KANSL2: variants seen among roughly 807,000 people sequenced by gnomAD.
KANSL2 encodes KAT8 regulatory NSL complex subunit 2, also known as NSL complex protein NSL2.
A neutral mutation model predicts 55.6 loss-of-function variants in KANSL2; 34 were observed. That is an observed-to-expected ratio of 0.61 (90% CI 0.46 to 0.81). The LOEUF (loss-of-function observed/expected upper bound fraction) is 0.81. Among genes scored for constraint, KANSL2 ranks in the 40% least tolerant of loss-of-function variants. The pLI is 0.00. For synonymous variants in KANSL2, 209 were observed against 214.3 expected (o/e 0.98, Z 0.22); for missense variants, 502 against 609.9 (o/e 0.82, Z 1.86).
chr12:48,654,544 C>G (rs1473984424), intron 9 of KANSL2: 2 of 612,688 alleles, frequency 3.3e-6, no homozygotes, highest in Non-Finnish European at 6.4e-6. Flanking sequence ...GGCTCACGGA[C>G]AGAACTCAAA....
intron 7 of KANSL2, among the ~76,000 whole-genome samples, chr12:48,663,742 G>A (rs1234296248): frequency 6.6e-6 from 1 of 151,914 alleles, no homozygotes; most frequent in Non-Finnish European, 1.5e-5. Context: ...CTATGTTGTT[G>A]ATAAGGCTTC....
Position 48,682,217 on chromosome 12 carries a change from G to T in KANSL2, c.-40C>A, listed in dbSNP as rs1939945162. 1 of 647,802 alleles carries T rather than the reference G, an allele frequency of 1.5e-6. No homozygotes were observed. Among genetic ancestry groups the T allele is most frequent in the South Asian group, 1.7e-5 (1 of 59,494 alleles). The allele number at this position is 647,802 out of a possible 1,614,324, so 40.1% of individuals were successfully genotyped here. A position where few individuals can be genotyped will look rare whatever the true frequency, so the allele number is the denominator to read the frequency against. ...GAGCTGCGCTGCGCCGCACTCTGCC[G>T]CGCCGCTCGCCCTTCTCTAGTGGCG... On this transcript the variant is annotated 5_prime_UTR_variant, in exon 1 of 10. Coordinates refer to ENST00000420613, the MANE Select transcript of KANSL2 (RefSeq NM_017822.4).
intron 7 of KANSL2, chr12:48,662,589 C>G: frequency 7.8e-7 from 1 of 1,285,680 alleles, no homozygotes; most frequent in Non-Finnish European, 1.0e-6. Context: ...CACTTTCAGT[C>G]GAGTGCTGTC....
At chr12:48,681,281 C>G in intron 2 of KANSL2, 101 bp downstream of exon 2, 1 of 1,390,154 alleles carries the variant, frequency 7.2e-7, no homozygotes, top group South Asian at 1.5e-5. Flanking sequence ...CCCAAATTTA[C>G]AAGGACAAAA....
At chr12:48,681,753 T>G (rs1939930008) in intron 1 of KANSL2, 112 bp from the exon 2 acceptor site, 1 of 1,378,482 alleles carries the variant, frequency 7.3e-7, no homozygotes, top group Non-Finnish European at 1.0e-6. Context: ...CCCCGTAAGG[T>G]ACGCTCCGTA....
chr12:48,664,573 T>C (rs1452786144), intron 7 of KANSL2, among the ~76,000 whole-genome samples: 8 of 117,372 alleles, frequency 6.8e-5, no homozygotes, highest in African/African-American at 9.7e-5. Flanking sequence ...CCACCGCACC[T>C]GGCCTTTTTT....
At chr12:48,662,253 T>C (rs1253929888) in intron 7 of KANSL2, among the ~76,000 whole-genome samples, 1 of 152,164 alleles carries the variant, frequency 6.6e-6, no homozygotes, top group Non-Finnish European at 1.5e-5. Context: ...TACAGGCACC[T>C]GCCATCACAC....
rs1487134574 is a variant in KANSL2, at chr12:48,664,056, G to C, written c.974-3437C>G. ...CAGCCTCCCGAGTAGCTGGGATTAC[G>C]GGTGCCCATCACCACGCCTGGCTAA... On this transcript the variant is annotated intron_variant, in intron 7 of 9. Coordinates refer to ENST00000420613, the MANE Select transcript of KANSL2 (RefSeq NM_017822.4). Among the ~76,000 whole-genome samples, 3 of 150,382 alleles carry C rather than the reference G, an allele frequency of 2.0e-5. No individual in the cohort carries two copies. In the Admixed American group the frequency reaches 2.0e-4, roughly 10 times the overall value.
In KANSL2 at chr12:48,681,415, G is replaced by T; in HGVS notation, c.218C>A (p.Pro73His). ...CTTCTCTGGCTTTGGGGCAGCATTG[G>T]GACATCTTTTTCCATTCTTCGTCGA... ...YISTKNGKRC[P>H]NAAPKPEKKD... Residue 73 changes from proline (P) to histidine (H), a missense_variant, in exon 2 of 10, where the codon CCC (proline) becomes CAC (histidine). Physicochemically the swap from Pro to His is moderately conservative, Grantham distance 77. Coordinates refer to ENST00000420613, the MANE Select transcript of KANSL2 (RefSeq NM_017822.4). 6.2e-7 allele frequency: 1 copy of T among 1,613,758 alleles called. No homozygotes were observed. Among genetic ancestry groups the T allele is most frequent in the Non-Finnish European group, 8.5e-7 (1 of 1,179,806 alleles).
At chr12:48,680,057 C>T in intron 2 of KANSL2, 1 of 459,752 alleles carries the variant, frequency 2.2e-6, no homozygotes, top group Non-Finnish European at 4.0e-6. Flanking sequence ...GTAATCCCAG[C>T]ACTTTGGGAG....
At chr12:48,681,965 G>T in intron 1 of KANSL2, 2 of 702,954 alleles carry the variant, frequency 2.8e-6, no homozygotes, top group South Asian at 1.5e-5. Context: ...CCTTTGTCCC[G>T]GCCTGCCTCA....
chr12:48,662,457 T>A, intron 7 of KANSL2: 1 of 1,086,852 alleles, frequency 9.2e-7, no homozygotes, highest in Non-Finnish European at 1.1e-6. Flanking sequence ...TCTTATGTAT[T>A]TAATACCACA....
chr12:48,666,998 T>C (rs915056420), intron 7 of KANSL2, among the ~76,000 whole-genome samples: 4 of 152,056 alleles, frequency 2.6e-5, no homozygotes, highest in Admixed American at 2.6e-4. Flanking sequence ...CTGGCCAACA[T>C]GGTGAAACCC....
intron 4 of KANSL2, among the ~76,000 whole-genome samples, chr12:48,677,877 T>C (rs907776446): frequency 1.3e-5 from 2 of 151,880 alleles, no homozygotes; most frequent in Admixed American, 1.3e-4. Flanking sequence ...TCATTCCCTT[T>C]CCAACTACTT....
chr12:48,666,967 G>A (rs1032793436), intron 7 of KANSL2, among the ~76,000 whole-genome samples: 4 of 152,006 alleles, frequency 2.6e-5, no homozygotes, highest in African/African-American at 9.7e-5. Flanking sequence ...GATCACCTGA[G>A]GTCAGGAGCT....
At chr12:48,661,446 A>G (rs1939486472) in intron 7 of KANSL2, among the ~76,000 whole-genome samples, 2 of 152,220 alleles carry the variant, frequency 1.3e-5, no homozygotes, top group South Asian at 4.1e-4. Flanking sequence ...TTTACAAAAC[A>G]CATTTTATGC....
At chr12:48,670,523 T>A (rs925182743) in intron 5 of KANSL2, among the ~76,000 whole-genome samples, 4 of 152,222 alleles carry the variant, frequency 2.6e-5, no homozygotes, top group Admixed American at 2.6e-4. Context: ...TGCATCTTAG[T>A]TTTTAACAGA....
chr12:48,669,502 T>C (rs373096722), intron 5 of KANSL2, among the ~76,000 whole-genome samples: 1 of 151,978 alleles, frequency 6.6e-6, no homozygotes, highest in South Asian at 2.1e-4. Context: ...CATAAGATTA[T>C]AACAAAGCTG....
chr12:48,677,784 CAAAAAAAAAAAAA>C (rs56147873), intron 4 of KANSL2, among the ~76,000 whole-genome samples: 8 of 47,680 alleles, frequency 1.7e-4, no homozygotes, highest in African/African-American at 7.0e-4. Flanking sequence ...GACTCCATCT[CAAAAAAAAAAAAA>C]AAAAAAAAAA....
Sources: gnomAD v4.1 joint callset for allele counts (sites outside exome capture counted in the v4.1 genomes callset) on GRCh38, gnomAD v4.1.1 for gene constraint, MANE v1.5 for transcripts, NCBI Gene and HGNC (gene_info 2026-07-23, HGNC 2026-07-21) for gene names.